Variants in EPHA6 observed in about 807,000 individuals in gnomAD.
EPHA6 encodes EPH receptor A6.
EPHA6 carries 50 observed loss-of-function variants against 112.0 expected under a neutral mutation model. The observed-to-expected ratio is 0.45, with a 90% CI of 0.36 to 0.56. EPHA6 has a LOEUF of 0.56. Ranked by LOEUF, EPHA6 falls within the 20% of genes least tolerant of loss-of-function variation. EPHA6 has a pLI of 0.00. For synonymous variants in EPHA6, 529 were observed against 490.7 expected (o/e 1.08, Z -1.03); for missense variants, 1,280 against 1,417.4 (o/e 0.90, Z 1.56).
intron 3 of EPHA6, among the ~76,000 whole-genome samples, chr3:97,119,436 T>G (rs778149309): frequency 6.6e-6 from 1 of 151,830 alleles, no homozygotes; most frequent in African/African-American, 2.4e-5. Flanking sequence ...CATCAACTAG[T>G]GAGATAGGAG....
intron 3 of EPHA6, among the ~76,000 whole-genome samples, chr3:97,079,343 C>A (rs1438451246): frequency 6.6e-6 from 1 of 152,034 alleles, no homozygotes; most frequent in Non-Finnish European, 1.5e-5. Flanking sequence ...CAAACTAACA[C>A]AGGAACAGAA....
intron 3 of EPHA6, among the ~76,000 whole-genome samples, chr3:97,079,674 T>C (rs1273616160): frequency 6.6e-6 from 1 of 150,988 alleles, no homozygotes; most frequent in East Asian, 1.9e-4. Context: ...AAAGTTATAC[T>C]GTGGGTAAAA....
At chr3:97,610,080 G>A (rs560766776) in intron 12 of EPHA6, among the ~76,000 whole-genome samples, 1 of 151,566 alleles carries the variant, frequency 6.6e-6, no homozygotes, top group African/African-American at 2.4e-5. Flanking sequence ...AAAAAGGAAA[G>A]AAAATATGTT....
rs1463112275 is a variant in EPHA6, at chr3:96,847,492, ATAAAG to A, written c.386-19329_386-19325del. Among the ~76,000 whole-genome samples the A allele has an allele frequency of 9.2e-5, 14 of 152,202 alleles. No homozygotes were observed. The East Asian group carries it at 2.1e-3, about 23-fold the overall frequency. On this transcript the variant is annotated intron_variant, in intron 1 of 17. Transcript: ENST00000389672. Reference sequence around the variant, plus strand: ...ATGTTTCTTCATTGCTGTTGTCAAAATAAAGTAATGTTTCTCTTAAGAAGAAAGAA... The same window carrying A: ...ATGTTTCTTCATTGCTGTTGTCAAAATAATGTTTCTCTTAAGAAGAAAGAA...
intron 5 of EPHA6, among the ~76,000 whole-genome samples, chr3:97,246,156 A>T (rs2078980728): frequency 6.6e-6 from 1 of 151,988 alleles, no homozygotes; most frequent in South Asian, 2.1e-4. Flanking sequence ...TATAAAGTAG[A>T]TGAGAGTTTT....
At chr3:96,920,549 A>G (rs1183451465) in intron 2 of EPHA6, among the ~76,000 whole-genome samples, 1 of 151,888 alleles carries the variant, frequency 6.6e-6, no homozygotes, top group Non-Finnish European at 1.5e-5. Context: ...AAACAAATCA[A>G]CCAGTAAACA....
intron 7 of EPHA6, among the ~76,000 whole-genome samples, chr3:97,458,052 TGC>T (rs1560029950): frequency 1.9e-5 from 2 of 107,864 alleles, no homozygotes; most frequent in Non-Finnish European, 3.4e-5. Context: ...TGGGCGACAG[TGC>T]GAGACTCCGT....
In EPHA6 at chr3:96,814,740, G is replaced by A. The variant is rs1362287141; in HGVS notation, c.117G>A (p.Gly39=). Residue 39 remains glycine (G), a synonymous_variant, in exon 1 of 18, where the codon GGG becomes GGA. Coordinates refer to ENST00000389672, the MANE Select transcript of EPHA6 (RefSeq NM_001080448.3). ...GQPGPSCPVP[G]TSRRGRPGTP... ...CTGGACCCTCGTGCCCTGTTCCCGGGACCTCGCGCAGGGGGCGCCCCGGGA... is the reference window on the plus strand; with the variant it reads ...CTGGACCCTCGTGCCCTGTTCCCGGAACCTCGCGCAGGGGGCGCCCCGGGA... 6.3e-7 allele frequency: 1 copy of A among 1,589,840 alleles called. No homozygotes were observed. Among genetic ancestry groups the A allele is most frequent in the Admixed American group, 1.7e-5 (1 of 57,310 alleles).
At chr3:97,221,040 G>A (rs1472583258) in intron 3 of EPHA6, among the ~76,000 whole-genome samples, 1 of 151,928 alleles carries the variant, frequency 6.6e-6, no homozygotes, top group African/African-American at 2.4e-5. Context: ...TGCAGGCTGG[G>A]TGCAGTGGCT....
At chr3:96,841,175 TTGAAG>T (rs1453488001) in intron 1 of EPHA6, among the ~76,000 whole-genome samples, 1 of 152,096 alleles carries the variant, frequency 6.6e-6, no homozygotes, top group Non-Finnish European at 1.5e-5. Flanking sequence ...GCTGGTCAAC[TTGAAG>T]TGGAGAGGGG....
At chr3:97,359,412 T>A (rs894174363) in intron 5 of EPHA6, among the ~76,000 whole-genome samples, 1 of 151,940 alleles carries the variant, frequency 6.6e-6, no homozygotes, top group African/African-American at 2.4e-5. Context: ...TAGCATTTTT[T>A]AAAATTACTT....
At chr3:97,648,352 T>G in intron 14 of EPHA6, 1 of 1,603,338 alleles carries the variant, frequency 6.2e-7, no homozygotes, top group East Asian at 2.2e-5. Context: ...AGCCAAATTT[T>G]CTGTCGGTCT....
intron 3 of EPHA6, among the ~76,000 whole-genome samples, chr3:97,184,864 G>C (rs150234526): frequency 6.6e-6 from 1 of 152,142 alleles, no homozygotes; most frequent in Non-Finnish European, 1.5e-5. Flanking sequence ...TACCAAAACA[G>C]AGATATAGAC....
intron 2 of EPHA6, among the ~76,000 whole-genome samples, chr3:96,877,930 T>TA (rs201010421): frequency 0.01 from 892 of 87,394 alleles, 5 homozygotes; most frequent in East Asian, 0.039. Context: ...TATATATATA[T>TA]TTTTTTTTTT....
chr3:97,410,214 A>ATAGT (rs1439691987), intron 6 of EPHA6, among the ~76,000 whole-genome samples: 6 of 152,028 alleles, frequency 3.9e-5, no homozygotes, highest in African/African-American at 1.4e-4. Context: ...CTTTCTCAAT[A>ATAGT]TAGTTTTTCC....
chr3:97,284,793 A>G (rs2080409498), intron 5 of EPHA6, among the ~76,000 whole-genome samples: 1 of 152,186 alleles, frequency 6.6e-6, no homozygotes, highest in Non-Finnish European at 1.5e-5. Flanking sequence ...CCTCCCAATT[A>G]ATACAAATAT....
At chr3:97,288,110 G>A (rs997491479) in intron 5 of EPHA6, among the ~76,000 whole-genome samples, 7 of 151,900 alleles carry the variant, frequency 4.6e-5, no homozygotes, top group African/African-American at 1.7e-4. Flanking sequence ...TTCAATGCAA[G>A]AGTACATGTG....
At chr3:97,183,004 T>G (rs1019928654) in intron 3 of EPHA6, among the ~76,000 whole-genome samples, 1 of 152,130 alleles carries the variant, frequency 6.6e-6, no homozygotes, top group Non-Finnish European at 1.5e-5. Flanking sequence ...AAATCTACTT[T>G]TTTTTTCTTC....
intron 6 of EPHA6, among the ~76,000 whole-genome samples, chr3:97,447,113 T>C (rs2090372149): frequency 6.6e-6 from 1 of 152,154 alleles, no homozygotes; most frequent in African/African-American, 2.4e-5. Context: ...AATAACCAAA[T>C]AGCATATAAA....
Sources: gnomAD v4.1 joint callset for allele counts (sites outside exome capture counted in the v4.1 genomes callset) on GRCh38, gnomAD v4.1.1 for gene constraint, MANE v1.5 for transcripts, NCBI Gene and HGNC (gene_info 2026-07-23, HGNC 2026-07-21) for gene names.